ATXN7L1: variants seen among roughly 807,000 people sequenced by gnomAD.
ATXN7L1 encodes ataxin-7-like protein 1.
ATXN7L1 carries 15 observed loss-of-function variants against 70.8 expected under a neutral mutation model. The ratio of observed to expected loss-of-function variants is 0.21; its 90% CI spans 0.14 to 0.33. ATXN7L1 has a LOEUF of 0.33. Among genes scored for constraint, ATXN7L1 ranks in the 10% least tolerant of loss-of-function variants. The probability of loss-of-function intolerance (pLI) is 1.00; values close to 1 mark genes in which losing one functional copy is unlikely to be tolerated. For missense variants in ATXN7L1, 975 were observed against 1,097.1 expected, an observed-to-expected ratio of 0.89 and a Z score of 1.57; for synonymous variants, 440 against 445.1, an observed-to-expected ratio of 0.99 and a Z score of 0.14.
intron 3 of ATXN7L1, among the ~76,000 whole-genome samples, chr7:105,739,846 A>G (rs536122023): frequency 6.6e-6 from 1 of 152,298 alleles, no homozygotes; most frequent in African/African-American, 2.4e-5. Flanking sequence ...CTTTTCCTCT[A>G]CTATTCCATG....
intron 2 of ATXN7L1, among the ~76,000 whole-genome samples, chr7:105,839,819 A>G (rs1812938326): frequency 6.6e-6 from 1 of 152,244 alleles, no homozygotes; most frequent in African/African-American, 2.4e-5. Context: ...GGTCTGTGTT[A>G]AAGGCACCCA....
intron 3 of ATXN7L1, among the ~76,000 whole-genome samples, chr7:105,693,405 T>C (rs543200449): frequency 4.7e-4 from 71 of 152,314 alleles, no homozygotes; most frequent in African/African-American, 1.4e-3. Context: ...TTGCCCAAGC[T>C]AGTCCTGAAC....
intron 2 of ATXN7L1, chr7:105,819,641 C>G (rs1399159660): frequency 3.4e-6 from 3 of 890,632 alleles, no homozygotes. Context: ...TCTACAGATA[C>G]AAGTTGAAGT....
rs1190872967 is a variant in ATXN7L1 at position 105,771,209 on chromosome 7, T to TAAG, written c.355+17394_355+17395insCTT. 8.2e-5 allele frequency among the ~76,000 whole-genome samples: 12 copies of TAAG among 146,564 alleles called. No individual in the cohort carries two copies. The East Asian group carries it at 2.2e-3, about 27-fold the overall frequency. ...AGCAAGACTCCGTCTCTGATAATAA[T>TAAG]AATAATAATAATAATAATAATAATA... On this transcript the variant is annotated intron_variant, in intron 3 of 11. Coordinates refer to ENST00000419735, the MANE Select transcript of ATXN7L1 (RefSeq NM_020725.2).
intron 3 of ATXN7L1, among the ~76,000 whole-genome samples, chr7:105,757,795 G>A (rs1449364047): frequency 6.8e-6 from 1 of 146,256 alleles, no homozygotes; most frequent in Non-Finnish European, 1.5e-5. Flanking sequence ...TCATTATATT[G>A]CCCAGGCTGG....
chr7:105,768,332 G>T (rs1429407733), intron 3 of ATXN7L1, among the ~76,000 whole-genome samples: 1 of 152,126 alleles, frequency 6.6e-6, no homozygotes, highest in African/African-American at 2.4e-5. Context: ...AGGTTGCAAG[G>T]GACTCCCAAA....
chr7:105,815,135 T>C (rs1809002038), intron 2 of ATXN7L1, among the ~76,000 whole-genome samples: 1 of 152,216 alleles, frequency 6.6e-6, no homozygotes, highest in Admixed American at 6.5e-5. Context: ...AAGGTGTTCA[T>C]TTCCTCTCTC....
chr7:105,719,656 T>C (rs1266341508), intron 3 of ATXN7L1, among the ~76,000 whole-genome samples: 1 of 152,128 alleles, frequency 6.6e-6, no homozygotes, highest in Non-Finnish European at 1.5e-5. Flanking sequence ...CTAGGAATGA[T>C]TAGATTTTGC....
intron 2 of ATXN7L1, among the ~76,000 whole-genome samples, chr7:105,850,776 C>A (rs1041733622): frequency 6.6e-6 from 1 of 152,134 alleles, no homozygotes; most frequent in African/African-American, 2.4e-5. Context: ...CTCAGGAGCT[C>A]CCGGTTTCCC....
chr7:105,860,529 T>C (rs1032683259), intron 2 of ATXN7L1, among the ~76,000 whole-genome samples: 7 of 152,090 alleles, frequency 4.6e-5, no homozygotes, highest in African/African-American at 7.2e-5. Context: ...AAATATCAGA[T>C]GGTGAATCAA....
intron 3 of ATXN7L1, among the ~76,000 whole-genome samples, chr7:105,778,364 AG>A (rs1433347119): frequency 8.3e-5 from 12 of 145,066 alleles, no homozygotes; most frequent in African/African-American, 3.0e-4. Flanking sequence ...AAAAAAAATT[AG>A]CCAGACATGG....
intron 3 of ATXN7L1, among the ~76,000 whole-genome samples, chr7:105,740,411 C>G (rs1797866131): frequency 6.6e-6 from 1 of 152,172 alleles, no homozygotes. Context: ...GCTTCCAGAA[C>G]AGGCAAGATC....
intron 2 of ATXN7L1, among the ~76,000 whole-genome samples, chr7:105,862,796 A>T (rs1816832792): frequency 1.3e-5 from 2 of 152,174 alleles, no homozygotes; most frequent in Admixed American, 1.3e-4. Context: ...CAGTTAATGG[A>T]GAATGGGTGA....
intron 3 of ATXN7L1, among the ~76,000 whole-genome samples, chr7:105,749,961 C>T (rs1257732561): frequency 5.3e-5 from 8 of 151,946 alleles, no homozygotes; most frequent in Admixed American, 4.6e-4. Flanking sequence ...GTTCTTCCTG[C>T]ACTATGCACC....
chr7:105,768,832 T>C (rs920768045), intron 3 of ATXN7L1, among the ~76,000 whole-genome samples: 4 of 152,248 alleles, frequency 2.6e-5, no homozygotes, highest in Admixed American at 2.6e-4. Flanking sequence ...GTAAGGAAGA[T>C]AGAAGACAGC....
intron 3 of ATXN7L1, among the ~76,000 whole-genome samples, chr7:105,684,058 C>T (rs539866406): frequency 1.3e-5 from 2 of 152,260 alleles, no homozygotes; most frequent in East Asian, 1.9e-4. Flanking sequence ...CCATCTGGGG[C>T]GGTGCATCAG....
intron 3 of ATXN7L1, among the ~76,000 whole-genome samples, chr7:105,709,141 T>C (rs1362010725): frequency 1.3e-5 from 2 of 152,214 alleles, no homozygotes; most frequent in Admixed American, 6.5e-5. Context: ...GAGACCAGGC[T>C]GGCCAACATG....
At chr7:105,709,877 C>CTT (rs61680542) in intron 3 of ATXN7L1, among the ~76,000 whole-genome samples, 18,656 of 146,274 alleles carry the variant, frequency 0.13, 1,211 homozygotes, top group South Asian at 0.19. Context: ...GCTTGCTTTG[C>CTT]TTTTTTTTTT....
intron 3 of ATXN7L1, among the ~76,000 whole-genome samples, chr7:105,697,708 C>T (rs1791925250): frequency 2.0e-5 from 3 of 152,228 alleles, no homozygotes; most frequent in Admixed American, 1.3e-4. Context: ...TCCATGAAAT[C>T]TTCACAACTT....
Sources: gnomAD v4.1 joint callset for allele counts (sites outside exome capture counted in the v4.1 genomes callset) on GRCh38, gnomAD v4.1.1 for gene constraint, MANE v1.5 for transcripts, NCBI Gene and HGNC (gene_info 2026-07-23, HGNC 2026-07-21) for gene names.